Variants in FUT8 observed in about 807,000 individuals in gnomAD.
FUT8 encodes fucosyltransferase 8.
In FUT8, 29 loss-of-function variants were observed where a neutral mutation model predicts 71.3. The ratio of observed to expected loss-of-function variants is 0.41; its 90% CI spans 0.30 to 0.55. The LOEUF is 0.55. Among genes scored for constraint, FUT8 ranks in the 20% least tolerant of loss-of-function variants. FUT8 has a pLI of 0.34. For missense variants in FUT8, 544 were observed against 702.1 expected, an observed-to-expected ratio of 0.77 and a Z score of 2.55; for synonymous variants, 254 against 239.3, an observed-to-expected ratio of 1.06 and a Z score of -0.57.
At chr14:65,608,775 G>A (rs1281933866) in intron 3 of FUT8, among the ~76,000 whole-genome samples, 1 of 151,884 alleles carries the variant, frequency 6.6e-6, no homozygotes, top group African/African-American at 2.4e-5. Context: ...AGTGAACCAG[G>A]CCAGCCTATA....
At chr14:65,726,704 A>G (rs1358052125) in intron 9 of FUT8, among the ~76,000 whole-genome samples, 1 of 152,134 alleles carries the variant, frequency 6.6e-6, no homozygotes, top group Admixed American at 6.5e-5. Flanking sequence ...ATGTCTTCAC[A>G]TTTCAAAACC....
intron 6 of FUT8, among the ~76,000 whole-genome samples, chr14:65,665,194 A>G (rs1316427829): frequency 1.3e-5 from 2 of 152,192 alleles, no homozygotes; most frequent in Non-Finnish European, 2.9e-5. Flanking sequence ...CTTTTACTTC[A>G]TAATGAAAAA....
chr14:65,453,571 A>T (rs183565493), intron 1 of FUT8, among the ~76,000 whole-genome samples: 14 of 152,216 alleles, frequency 9.2e-5, no homozygotes, highest in Non-Finnish European at 1.0e-4. Flanking sequence ...TTATAGAGTC[A>T]TCTTTATTCT....
chr14:65,737,134 A>G (rs1466398127), intron 10 of FUT8, among the ~76,000 whole-genome samples: 1 of 152,060 alleles, frequency 6.6e-6, no homozygotes, highest in African/African-American at 2.4e-5. Flanking sequence ...CAGTCTCAGG[A>G]CTTCTCATCT....
chr14:65,698,275 C>T (rs189710286), intron 7 of FUT8, among the ~76,000 whole-genome samples: 35 of 152,186 alleles, frequency 2.3e-4, no homozygotes, highest in Non-Finnish European at 4.4e-4. Context: ...TAATGTTTAT[C>T]GAAATGCTCA....
In FUT8 at chr14:65,632,424, G is replaced by A. The variant is rs146606469; in HGVS notation, c.597+2818G>A. ...TTTTTTGATAATAGCCATTCTTGCA[G>A]GAGTAAGGTGGTATTGCACTGTGGT... On this transcript the variant is annotated intron_variant, in intron 6 of 10. Transcript: ENST00000673929. 4.6e-5 allele frequency among the ~76,000 whole-genome samples: 7 copies of A among 152,348 alleles called. No individual in the cohort carries two copies. In the East Asian group the frequency reaches 1.4e-3, roughly 29 times the overall value.
chr14:65,614,210 TAG>T (rs1364449206), intron 3 of FUT8, among the ~76,000 whole-genome samples: 8 of 152,120 alleles, frequency 5.3e-5, no homozygotes, highest in African/African-American at 1.7e-4. Flanking sequence ...ATGGTAAGAA[TAG>T]ATAGCCCAGA....
At chr14:65,388,578 A>C in the FUT8 span, among the ~76,000 whole-genome samples, 1 of 152,182 alleles carries the variant, frequency 6.6e-6, no homozygotes, top group African/African-American at 2.4e-5. Context: ...CCTGGGCAAC[A>C]TAGTGAAACC....
intron 3 of FUT8, among the ~76,000 whole-genome samples, chr14:65,594,428 G>A (rs1352974126): frequency 6.6e-6 from 1 of 152,196 alleles, no homozygotes; most frequent in Non-Finnish European, 1.5e-5. Flanking sequence ...CAAGGCCCCA[G>A]GGGGTATGTT....
Position 65,534,295 on chromosome 14 carries a change from ATTTTATTTTATT to A in FUT8, c.-227-27027_-227-27016del, listed in dbSNP as rs1012778384. ...GTGCTACCATGCCTGGCTAATTTTTATTTTATTTTATTTTTTATTTTATTTTATTTTTAGAGA... is the reference window on the plus strand; with the variant it reads ...GTGCTACCATGCCTGGCTAATTTTTATTTTATTTTATTTTATTTTTAGAGA... On this transcript the variant is annotated intron_variant, in intron 2 of 10. Transcript: ENST00000673929. Among the ~76,000 whole-genome samples, 34 of 147,620 alleles carry A rather than the reference ATTTTATTTTATT, an allele frequency of 2.3e-4. No individual in the cohort carries two copies. The South Asian group carries it at 2.8e-3, about 12-fold the overall frequency.
At chr14:65,600,519 T>G (rs1394292639) in intron 3 of FUT8, among the ~76,000 whole-genome samples, 1 of 152,174 alleles carries the variant, frequency 6.6e-6, no homozygotes, top group African/African-American at 2.4e-5. Context: ...AGAAACAACT[T>G]ACATTTAAAT....
intron 2 of FUT8, among the ~76,000 whole-genome samples, chr14:65,478,600 A>G (rs934526366): frequency 3.9e-5 from 6 of 152,098 alleles, no homozygotes; most frequent in Non-Finnish European, 8.8e-5. Context: ...TTAAATTTTT[A>G]GTTGGGAGGC....
rs1040902413 is a variant in FUT8 at position 65,467,159 on chromosome 14, G to A, written c.-228+11441G>A. Among the ~76,000 whole-genome samples the A allele has an allele frequency of 6.6e-6, 1 of 152,044 alleles. No individual in the cohort carries two copies. The highest frequency in any genetic ancestry group is 1.5e-5 in the Non-Finnish European group (1 of 67,996). ...TCTGTTAACATTTCTTGCAAGTCATGTTTATTGGGTTTCATTTCTCCCAGT... is the reference window on the plus strand; with the variant it reads ...TCTGTTAACATTTCTTGCAAGTCATATTTATTGGGTTTCATTTCTCCCAGT... On this transcript the variant is annotated intron_variant, in intron 2 of 10. Coordinates refer to ENST00000673929, the MANE Select transcript of FUT8 (RefSeq NM_001371533.1). The surrounding 1 kb of genome is among the most constrained non-coding windows in gnomAD (Gnocchi z 4.1).
At chr14:65,438,084 G>T (rs147104479) in intron 1 of FUT8, among the ~76,000 whole-genome samples, 10 of 152,278 alleles carry the variant, frequency 6.6e-5, no homozygotes, top group South Asian at 2.1e-4. Context: ...GGAGAGAGGG[G>T]ATAAGAAGTT....
chr14:65,394,750 CTT>C, the FUT8 span, among the ~76,000 whole-genome samples: 16 of 132,532 alleles, frequency 1.2e-4, no homozygotes, highest in East Asian at 2.2e-4. Flanking sequence ...GCAGTCAAAT[CTT>C]TTTTTTTTTT....
chr14:65,377,550 ATC>A, the FUT8 span, among the ~76,000 whole-genome samples: 3 of 152,354 alleles, frequency 2.0e-5, no homozygotes, highest in East Asian at 5.8e-4. Flanking sequence ...GAAAGTCACC[ATC>A]CACAGACATT....
At chr14:65,644,477 A>G (rs1314845177) in intron 6 of FUT8, among the ~76,000 whole-genome samples, 1 of 151,978 alleles carries the variant, frequency 6.6e-6, no homozygotes, top group Non-Finnish European at 1.5e-5. Flanking sequence ...CTCCTGCCTC[A>G]GCCTCCCGAG....
At chr14:65,535,006 A>G (rs1340290852) in intron 2 of FUT8, among the ~76,000 whole-genome samples, 1 of 151,208 alleles carries the variant, frequency 6.6e-6, no homozygotes, top group Non-Finnish European at 1.5e-5. Flanking sequence ...TAGTTGTGAT[A>G]TTAGGTTGTT....
chr14:65,633,523 C>G (rs1594840755), intron 6 of FUT8, among the ~76,000 whole-genome samples: 1 of 150,412 alleles, frequency 6.6e-6, no homozygotes, highest in Admixed American at 6.6e-5. Flanking sequence ...GCCATCCCAT[C>G]TAGGAAGTGA....
Sources: gnomAD v4.1 joint callset for allele counts (sites outside exome capture counted in the v4.1 genomes callset) on GRCh38, gnomAD v4.1.1 for gene constraint, Gnocchi (gnomAD v3.1) non-coding constraint, MANE v1.5 for transcripts, NCBI Gene and HGNC (gene_info 2026-07-23, HGNC 2026-07-21) for gene names.